The following MAP3K5 variants were observed in gnomAD, a reference collection of about 807,000 sequenced individuals.
MAP3K5 encodes ASK-1.
A neutral mutation model predicts 158.7 loss-of-function variants in MAP3K5; 56 were observed. The observed-to-expected ratio is 0.35, with a 90% CI of 0.28 to 0.44. MAP3K5 has a LOEUF of 0.44. MAP3K5 is among the 20% of genes least tolerant of loss of function. The pLI, the probability that MAP3K5 is intolerant of heterozygous loss-of-function variation, is 1.00. For missense variants in MAP3K5, 1,294 were observed against 1,674.8 expected, an observed-to-expected ratio of 0.77 and a Z score of 3.97; for synonymous variants, 579 against 601.7, an observed-to-expected ratio of 0.96 and a Z score of 0.55.
chr6:136,716,722 G>A lies in MAP3K5; in HGVS notation c.588+3728C>T, dbSNP rs116853093. Among the ~76,000 whole-genome samples the A allele has an allele frequency of 5.3e-5, 8 of 152,206 alleles. No individual in the cohort carries two copies. In the East Asian group the frequency reaches 1.5e-3, roughly 29 times the overall value. ...GCATGAAATAAATCAGAAAATAATT[G>A]TTACTAGCATTTCTTATTTTAAACC... On this transcript the variant is annotated intron_variant, in intron 2 of 29. Coordinates refer to ENST00000359015, the MANE Select transcript of MAP3K5 (RefSeq NM_005923.4).
Position 136,705,068 on chromosome 6 carries a change from A to G in MAP3K5, c.612+42T>C, listed in dbSNP as rs75898447. The G allele has an allele frequency of 2.6e-3, 2,541 of 977,840 alleles. 52 individuals are homozygous for G. In the African/African-American group the frequency reaches 0.038, roughly 15 times the overall value. The allele number at this position is 977,840 out of a possible 1,614,324, so 60.6% of individuals were successfully genotyped here. ...TACCAAAGATTAGTTAATGGAAAAG[A>G]AAATATTTTTAAAACTCTGGAAGGT... is the stretch of plus-strand genomic sequence containing the variant. On this transcript the variant is annotated intron_variant, in intron 3 of 29. Coordinates refer to ENST00000359015, the MANE Select transcript of MAP3K5 (RefSeq NM_005923.4).
Position 136,728,833 on chromosome 6 carries a change from T to A in MAP3K5, c.449-8244A>T, listed in dbSNP as rs1436972089. Among the ~76,000 whole-genome samples the A allele has an allele frequency of 2.6e-5, 4 of 152,118 alleles. No homozygotes were observed. The East Asian group carries it at 7.7e-4, about 29-fold the overall frequency. On this transcript the variant is annotated intron_variant, in intron 1 of 29. Transcript: ENST00000359015. The stretch of plus-strand genomic sequence containing the variant: ...TGTTGTTAATCTGCTAAGTGAGGGC[T>A]GGTAGGGAGGTAATCAGAGGGATAT...
chr6:136,669,202 T>C (rs938164265), intron 8 of MAP3K5, 81 bp downstream of exon 8: 16 of 882,394 alleles, frequency 1.8e-5, no homozygotes, highest in Non-Finnish European at 2.4e-5. Context: ...GCAAAAGATT[T>C]ATCTATTCAT....
At chr6:136,578,751 C>T (rs1774731708) in intron 25 of MAP3K5, among the ~76,000 whole-genome samples, 1 of 152,076 alleles carries the variant, frequency 6.6e-6, no homozygotes. Context: ...TAAAGATTGA[C>T]ACGGATGCTC....
At position 136,613,277 on chromosome 6, in the gene MAP3K5, G is replaced by C; in HGVS notation, c.2279-21C>G. On this transcript the variant is annotated intron_variant, in intron 16 of 29. Transcript: ENST00000359015. The surrounding 1 kb of genome is among the most constrained non-coding windows in gnomAD (Gnocchi z 4.0). ...ACTTCCTGTAAAGTAGGGATAAATAGTAAATAAATCCTCATTCAAATGAGC... is the reference window on the plus strand; with the variant it reads ...ACTTCCTGTAAAGTAGGGATAAATACTAAATAAATCCTCATTCAAATGAGC... 1.2e-6 allele frequency: 2 copies of C among 1,602,464 alleles called. No homozygotes were observed. Among genetic ancestry groups the C allele is most frequent in the Non-Finnish European group, 1.7e-6 (2 of 1,174,488 alleles).
chr6:136,705,788 C>A (rs1435951796), intron 2 of MAP3K5, among the ~76,000 whole-genome samples: 1 of 152,118 alleles, frequency 6.6e-6, no homozygotes, highest in Non-Finnish European at 1.5e-5. Context: ...GAGGTTAAAA[C>A]GAGTTTGCTT....
chr6:136,651,565 A>G (rs996172234), intron 10 of MAP3K5, among the ~76,000 whole-genome samples: 2 of 152,210 alleles, frequency 1.3e-5, no homozygotes, highest in African/African-American at 4.8e-5. Context: ...ATACCCATGT[A>G]AATAAACTTA....
intron 1 of MAP3K5, among the ~76,000 whole-genome samples, chr6:136,721,934 A>G (rs889358462): frequency 6.6e-6 from 1 of 152,212 alleles, no homozygotes; most frequent in Non-Finnish European, 1.5e-5. Context: ...TAGAGAATAT[A>G]TGTTTCATAA....
rs75456458 is a variant in MAP3K5, at chr6:136,557,442, G to T, written c.*316C>A. 4,546 of 240,252 alleles carry T rather than the reference G, an allele frequency of 0.019. 92 individuals carry two copies. The highest frequency in any genetic ancestry group is 0.064 in the East Asian group (614 of 9,624). The allele number at this position is 240,252 out of a possible 1,614,324, so 14.9% of individuals were successfully genotyped here. On this transcript the variant is annotated 3_prime_UTR_variant, in exon 30 of 30. Coordinates refer to ENST00000359015, the MANE Select transcript of MAP3K5 (RefSeq NM_005923.4). ...TCCGTTTTGTGTGAAATAAACATTTGGCTGAAGTGCAATAGCTGCTGCATT... is the reference window on the plus strand; with the variant it reads ...TCCGTTTTGTGTGAAATAAACATTTTGCTGAAGTGCAATAGCTGCTGCATT...
intron 23 of MAP3K5, among the ~76,000 whole-genome samples, chr6:136,588,427 A>G (rs1775233182): frequency 6.6e-6 from 1 of 152,200 alleles, no homozygotes; most frequent in African/African-American, 2.4e-5. Flanking sequence ...AAATTAAATG[A>G]GCAAATACAC....
At chr6:136,728,332 A>T (rs1016392071) in intron 1 of MAP3K5, among the ~76,000 whole-genome samples, 1 of 152,118 alleles carries the variant, frequency 6.6e-6, no homozygotes, top group African/African-American at 2.4e-5. Flanking sequence ...GTATTTTCTG[A>T]AATTTGACCT....
chr6:136,637,220 A>T (rs1356830385), intron 14 of MAP3K5, 105 bp downstream of exon 14: 1 of 1,248,508 alleles, frequency 8.0e-7, no homozygotes, highest in African/African-American at 1.5e-5. Context: ...GAAAGCCTAC[A>T]GACAGTCTCC....
At chr6:136,746,824 C>A (rs1782983061) in intron 1 of MAP3K5, among the ~76,000 whole-genome samples, 1 of 152,216 alleles carries the variant, frequency 6.6e-6, no homozygotes, top group Non-Finnish European at 1.5e-5. Flanking sequence ...TAAGAATGGT[C>A]AGTTTGCTAC....
intron 2 of MAP3K5, among the ~76,000 whole-genome samples, chr6:136,705,512 C>T (rs72979576): frequency 1.7e-3 from 265 of 152,226 alleles, no homozygotes; most frequent in Middle Eastern, 0.017. Context: ...CACTATGTTG[C>T]TCAGGTTGGT....
At chr6:136,726,941 T>A (rs976566541) in intron 1 of MAP3K5, among the ~76,000 whole-genome samples, 2 of 152,184 alleles carry the variant, frequency 1.3e-5, no homozygotes, top group Non-Finnish European at 2.9e-5. Context: ...ATTTTGTTTT[T>A]TCCCTTCCGA....
At chr6:136,569,516 G>T (rs1423637383) in intron 25 of MAP3K5, among the ~76,000 whole-genome samples, 1 of 152,086 alleles carries the variant, frequency 6.6e-6, no homozygotes, top group Non-Finnish European at 1.5e-5. Context: ...TCAACCAATT[G>T]CCAATCTTTG....
intron 14 of MAP3K5, among the ~76,000 whole-genome samples, chr6:136,630,520 G>GA (rs1020049721): frequency 2.6e-5 from 4 of 152,246 alleles, no homozygotes; most frequent in Non-Finnish European, 5.9e-5. Flanking sequence ...AGCAGCAGCA[G>GA]AAAAAAACCT....
chr6:136,782,336 A>AT (rs1376498614), intron 1 of MAP3K5, among the ~76,000 whole-genome samples: 2 of 152,018 alleles, frequency 1.3e-5, no homozygotes, highest in Admixed American at 6.5e-5. Flanking sequence ...AGTAATCAAC[A>AT]TTTTTAAAGG....
chr6:136,635,882 C>T (rs1305126769), intron 14 of MAP3K5, among the ~76,000 whole-genome samples: 1 of 151,880 alleles, frequency 6.6e-6, no homozygotes, highest in South Asian at 2.1e-4. Context: ...CAGCAAGAGC[C>T]GGTCTCAAAA....
Sources: allele counts gnomAD v4.1 joint callset (sites outside exome capture counted in the v4.1 genomes callset), GRCh38; gene constraint gnomAD v4.1.1; non-coding constraint Gnocchi (gnomAD v3.1); transcripts MANE v1.5; gene names NCBI Gene and HGNC (gene_info 2026-07-23, HGNC 2026-07-21).